Variants in APBB2 observed in about 807,000 individuals in gnomAD.
APBB2 encodes the protein amyloid beta precursor protein binding family B member 2.
A neutral mutation model predicts 82.5 loss-of-function variants in APBB2; 38 were observed. That is an observed-to-expected ratio of 0.46 (90% CI 0.36 to 0.60). The LOEUF is 0.60. Ranked by LOEUF, APBB2 falls within the 20% of genes least tolerant of loss-of-function variation. The probability of loss-of-function intolerance (pLI) is 0.00; values close to 1 mark genes in which losing one functional copy is unlikely to be tolerated. For missense variants in APBB2, 772 were observed against 972.3 expected (o/e 0.79, Z 2.74); for synonymous variants, 341 against 368.2 (o/e 0.93, Z 0.85).
At chr4:41,011,541 G>T (rs1808375656) in intron 6 of APBB2, among the ~76,000 whole-genome samples, 1 of 150,230 alleles carries the variant, frequency 6.7e-6, no homozygotes, top group Non-Finnish European at 1.5e-5. Flanking sequence ...AGCAATTCTT[G>T]TGCCTCAGCC....
chr4:41,203,102 CAT>C (rs1349973620), intron 1 of APBB2, among the ~76,000 whole-genome samples: 4 of 151,754 alleles, frequency 2.6e-5, no homozygotes, highest in Admixed American at 6.6e-5. Context: ...TTGCAATCCA[CAT>C]GTTTTCAGAA....
At chr4:40,961,102 G>A (rs1455819465) in intron 6 of APBB2, among the ~76,000 whole-genome samples, 2 of 152,156 alleles carry the variant, frequency 1.3e-5, no homozygotes, top group Non-Finnish European at 2.9e-5. Context: ...TTGTAGGGCA[G>A]AGCCATCATA....
In APBB2 at chr4:40,977,367, C is replaced by A. The variant is rs1188485991; in HGVS notation, c.836-32294G>T. On this transcript the variant is annotated intron_variant, in intron 6 of 17. Transcript: ENST00000508593. ...TTTTGCTCTTGTCTCCCCAGCTGTG[C>A]ACTGGCATAATCTCAGCTCACTGCA... is the stretch of plus-strand genomic sequence containing the variant. Among the ~76,000 whole-genome samples, 4 of 150,460 alleles carry A rather than the reference C, an allele frequency of 2.7e-5. No homozygotes were observed. The East Asian group carries it at 7.9e-4, about 30-fold the overall frequency.
rs1744825407 is a variant in APBB2, at chr4:40,813,420, A to G, written c.*2672T>C. On this transcript the variant is annotated 3_prime_UTR_variant, in exon 18 of 18. Transcript: ENST00000508593. ...CACAGATCTAAAGAATGCATAGATA[A>G]CTGAAGTGTCACTAAGATATCAGGT... 6.6e-6 allele frequency: 1 copy of G among 152,252 alleles called. No homozygotes were observed. Among genetic ancestry groups the G allele is most frequent in the South Asian group, 2.1e-4 (1 of 4,834 alleles). 9.4% of individuals were successfully genotyped at this position (152,252 alleles called of 1,614,324 possible).
At chr4:40,925,527 C>T (rs953342140) in intron 10 of APBB2, among the ~76,000 whole-genome samples, 1 of 152,144 alleles carries the variant, frequency 6.6e-6, no homozygotes, top group African/African-American at 2.4e-5. Context: ...ATGTATGCTC[C>T]TTTCGCACTT....
chr4:40,859,676 G>A (rs77765044), intron 12 of APBB2, among the ~76,000 whole-genome samples: 7,214 of 152,290 alleles, frequency 0.047, 208 homozygotes, highest in Non-Finnish European at 0.072. Flanking sequence ...CCACACAGTG[G>A]CTTCCCACTG....
At position 40,832,013 on chromosome 4, in the gene APBB2, T is replaced by TATACACACACACACACACACAC. The variant is rs777910826; in HGVS notation, c.1530-1437_1530-1436insGTGTGTGTGTGTGTGTGTGTAT. Among the ~76,000 whole-genome samples, 297 of 138,962 alleles carry TATACACACACACACACACACAC rather than the reference T, an allele frequency of 2.1e-3. 3 individuals carry two copies. The highest frequency in any genetic ancestry group is 3.4e-3 in the Non-Finnish European group (219 of 64,454). 91.2% of individuals were successfully genotyped at this position (138,962 alleles called of 152,430 possible). A position where few individuals can be genotyped will look rare whatever the true frequency, so the allele number is the denominator to read the frequency against. ...ACACATATTTATATATTTATTTATA[T>TATACACACACACACACACACAC]ACACACACACACACACACACACACA... On this transcript the variant is annotated intron_variant, in intron 12 of 17. Coordinates refer to ENST00000508593, the MANE Select transcript of APBB2 (RefSeq NM_004307.2). The surrounding 1 kb of genome is among the most constrained non-coding windows in gnomAD (Gnocchi z 4.8).
chr4:41,025,561 C>T (rs542802014), intron 5 of APBB2, among the ~76,000 whole-genome samples: 1 of 152,122 alleles, frequency 6.6e-6, no homozygotes, highest in East Asian at 1.9e-4. Context: ...ATGTTCACTG[C>T]AGCGCTATTC....
intron 1 of APBB2, among the ~76,000 whole-genome samples, chr4:41,160,263 G>A (rs1378413782): frequency 2.6e-5 from 4 of 152,132 alleles, no homozygotes; most frequent in Admixed American, 1.3e-4. Flanking sequence ...AGGAAATGAC[G>A]GAAGCCCATA....
In APBB2 at chr4:40,945,035, CTGGAT is replaced by C; in HGVS notation, c.869_873del (p.Asp290GlyfsTer11). 6.3e-7 allele frequency: 1 copy of C among 1,597,236 alleles called. No homozygotes were observed. The highest frequency in any genetic ancestry group is 8.5e-7 in the Non-Finnish European group (1 of 1,175,556). On this transcript the variant is annotated frameshift_variant, in exon 7 of 18. Coordinates refer to ENST00000508593, the MANE Select transcript of APBB2 (RefSeq NM_004307.2). LOFTEE classifies it high-confidence loss of function. ...ACTCTTTTCCAGCCAGGCGGCAAAT[CTGGAT>C]CAGTCTGAAATGAGTGATCACTCCA... is the stretch of plus-strand genomic sequence containing the variant.
At chr4:41,153,748 C>T (rs936150443) in intron 1 of APBB2, among the ~76,000 whole-genome samples, 1 of 152,272 alleles carries the variant, frequency 6.6e-6, no homozygotes, top group Middle Eastern at 3.4e-3. Flanking sequence ...AGAACTGGCA[C>T]TCCGGCTGTC....
intron 6 of APBB2, among the ~76,000 whole-genome samples, chr4:40,961,524 T>G: frequency 1.4e-5 from 2 of 144,724 alleles, no homozygotes; most frequent in African/African-American, 2.5e-5. Flanking sequence ...GGGATAGCAT[T>G]GGGAGATATA....
At chr4:41,211,729 G>A (rs1457457405) in intron 1 of APBB2, among the ~76,000 whole-genome samples, 2 of 152,086 alleles carry the variant, frequency 1.3e-5, no homozygotes, top group Non-Finnish European at 2.9e-5. Context: ...TGATCTGCCC[G>A]CCTCAGCTTC....
intron 1 of APBB2, among the ~76,000 whole-genome samples, chr4:41,176,787 CAT>C (rs1339814067): frequency 1.3e-5 from 2 of 152,018 alleles, no homozygotes; most frequent in East Asian, 3.8e-4. Context: ...TTTCATAAAG[CAT>C]TTTGGGTTAA....
At chr4:41,098,173 T>C (rs1383883381) in intron 3 of APBB2, among the ~76,000 whole-genome samples, 1 of 151,976 alleles carries the variant, frequency 6.6e-6, no homozygotes, top group African/African-American at 2.4e-5. Context: ...ACATGTAACA[T>C]CAACTTTATT....
At position 41,013,579 on chromosome 4, in the gene APBB2, G is replaced by C. The variant is rs1560523051; in HGVS notation, c.835+4C>G. 3.1e-6 allele frequency: 5 copies of C among 1,612,744 alleles called. No individual in the cohort carries two copies. The highest frequency in any genetic ancestry group is 4.2e-6 in the Non-Finnish European group (5 of 1,178,844). ...AGCTGAGGCTACGCCTTCCCCAGGG[G>C]TACCTGTTTCATCCGGGGAGCTGGG... On this transcript the variant is annotated splice_donor_region_variant and intron_variant, in intron 6 of 17. Coordinates refer to ENST00000508593, the MANE Select transcript of APBB2 (RefSeq NM_004307.2).
At chr4:40,854,237 A>G (rs928832622) in intron 12 of APBB2, among the ~76,000 whole-genome samples, 1 of 152,226 alleles carries the variant, frequency 6.6e-6, no homozygotes, top group Non-Finnish European at 1.5e-5. Context: ...CAAAAGTCTA[A>G]GAACTCCTCA....
chr4:41,064,407 A>G (rs1730984361), intron 4 of APBB2, among the ~76,000 whole-genome samples: 1 of 152,256 alleles, frequency 6.6e-6, no homozygotes, highest in African/African-American at 2.4e-5. Flanking sequence ...ATGAATAAGC[A>G]TAATTACAGA....
intron 2 of APBB2, among the ~76,000 whole-genome samples, chr4:41,128,282 G>A (rs1754972113): frequency 6.6e-6 from 1 of 152,182 alleles, no homozygotes; most frequent in Non-Finnish European, 1.5e-5. Context: ...TGCTGGTGAG[G>A]CTTTGGAGCA....
Sources: allele counts gnomAD v4.1 joint callset (sites outside exome capture counted in the v4.1 genomes callset), GRCh38; gene constraint gnomAD v4.1.1; non-coding constraint Gnocchi (gnomAD v3.1); transcripts MANE v1.5; gene names NCBI Gene and HGNC (gene_info 2026-07-23, HGNC 2026-07-21).